Variants in EIF4G1 observed in about 807,000 individuals in gnomAD.
EIF4G1 encodes the protein EIF4-gamma.
A neutral mutation model predicts 187.8 loss-of-function variants in EIF4G1; 4 were observed. The ratio of observed to expected loss-of-function variants is 0.02; its 90% CI spans 0.01 to 0.05. The LOEUF (loss-of-function observed/expected upper bound fraction) is 0.05. Among genes scored for constraint, EIF4G1 ranks in the 10% least tolerant of loss-of-function variants. EIF4G1 has a pLI of 1.00. For missense variants in EIF4G1, 1,647 were observed against 2,081.1 expected, an observed-to-expected ratio of 0.79 and a Z score of 4.06; for synonymous variants, 844 against 781.4, an observed-to-expected ratio of 1.08 and a Z score of -1.34.
intron 28 of EIF4G1, among the ~76,000 whole-genome samples, chr3:184,330,475 C>T (rs1395324045): frequency 6.6e-6 from 1 of 152,166 alleles, no homozygotes; most frequent in Non-Finnish European, 1.5e-5. Flanking sequence ...AATAATCTTG[C>T]TAAGAGCCAG....
At chr3:184,316,309 C>A in intron 4 of EIF4G1, 91 bp downstream of exon 4, 1 of 1,494,186 alleles carries the variant, frequency 6.7e-7, no homozygotes. Flanking sequence ...ACTGGAGGCC[C>A]CATACCTGGC....
At position 184,321,288 on chromosome 3, in the gene EIF4G1, G is replaced by C; in HGVS notation, c.704G>C (p.Arg235Pro). 1 of 1,614,056 alleles carries C rather than the reference G, an allele frequency of 6.2e-7. No homozygotes were observed. Among genetic ancestry groups the C allele is most frequent in the Non-Finnish European group, 8.5e-7 (1 of 1,180,034 alleles). ...QVAVIVRPDD[R>P]SQGAIIADRP... Reference sequence around the variant, plus strand: ...CTTCCTTCCTATGGTGCAGATGACCGGTCACAGGGAGCAATCATTGCTGAC... The same window carrying C: ...CTTCCTTCCTATGGTGCAGATGACCCGTCACAGGGAGCAATCATTGCTGAC... The change falls in exon 10 of 33, where the codon CGG becomes CCG. Residue 235 changes from arginine (R) to proline (P), a missense_variant. Coordinates refer to ENST00000346169, the MANE Select transcript of EIF4G1 (RefSeq NM_198241.3).
intron 28 of EIF4G1, 150 bp from the exon 29 acceptor site, chr3:184,331,116 C>A (rs887668288): frequency 2.4e-6 from 2 of 848,098 alleles, no homozygotes; most frequent in Non-Finnish European, 4.0e-6. Context: ...AATGGAAGGG[C>A]TTTGCCTATT....
chr3:184,326,225 T>TA (rs111590821), intron 21 of EIF4G1, among the ~76,000 whole-genome samples: 3,475 of 152,208 alleles, frequency 0.023, 130 homozygotes, highest in African/African-American at 0.078. Context: ...TTTTACATTT[T>TA]AAAGTTGCGA....
chr3:184,330,764 CAG>C (rs985712255), intron 28 of EIF4G1, among the ~76,000 whole-genome samples: 3 of 151,904 alleles, frequency 2.0e-5, no homozygotes, highest in Non-Finnish European at 2.9e-5. Context: ...TTTTTTGAGA[CAG>C]AGTCTCGCTG....
Position 184,327,893 on chromosome 3 carries a change from G to T in EIF4G1, c.3844G>T (p.Gly1282Cys). Residue 1282 changes from glycine to cysteine, a missense_variant, in exon 26 of 33, where the codon GGT becomes TGT. Gly to Cys is a radical substitution (Grantham distance 159, BLOSUM62 -3). Coordinates refer to ENST00000346169, the MANE Select transcript of EIF4G1 (RefSeq NM_198241.3). Reference sequence around the variant, plus strand: ...CTTGCTCTTCATCTTTGTACGGCATGGTGTCGAGTCTACGCTGGAGCGCAG... The same window carrying T: ...CTTGCTCTTCATCTTTGTACGGCATTGTGTCGAGTCTACGCTGGAGCGCAG... Reference protein sequence around the residue: ...PSLLFIFVRHGVESTLERSAI... With the variant: ...PSLLFIFVRHCVESTLERSAI... 6.2e-7 allele frequency: 1 copy of T among 1,613,798 alleles called. No homozygotes were observed. The highest frequency in any genetic ancestry group is 8.5e-7 in the Non-Finnish European group (1 of 1,180,036).
intron 21 of EIF4G1, among the ~76,000 whole-genome samples, chr3:184,326,287 A>G (rs1402667203): frequency 6.6e-6 from 1 of 152,192 alleles, no homozygotes; most frequent in Non-Finnish European, 1.5e-5. Flanking sequence ...ATAAAATGTA[A>G]ATGTCAGTGT....
In EIF4G1 at chr3:184,334,866, C is replaced by G; in HGVS notation, c.4758C>G (p.Phe1586Leu). 1 of 1,614,220 alleles carries G rather than the reference C, an allele frequency of 6.2e-7. No homozygotes were observed. The highest frequency in any genetic ancestry group is 2.2e-5 in the East Asian group (1 of 44,892). Residue 1586 changes from phenylalanine to leucine, a missense_variant, in exon 33 of 33, where the codon TTC becomes TTG. Phe to Leu is a conservative substitution (Grantham distance 22). Around this residue, in one of 11 missense-constraint regions of EIF4G1, gnomAD observed 543 missense variants for 638.0 expected, o/e 0.85. Coordinates refer to ENST00000346169, the MANE Select transcript of EIF4G1 (RefSeq NM_198241.3). The surrounding 1 kb of genome is among the most constrained non-coding windows in gnomAD (Gnocchi z 5.8). ...GVALKSVTAF[F>L]KWLREAEEES... is the part of the protein sequence containing the mutation. Reference sequence around the variant, plus strand: ...CCCTTAAATCTGTCACAGCCTTCTTCAAGTGGCTCCGTGAAGCAGAGGAGG... The same window carrying G: ...CCCTTAAATCTGTCACAGCCTTCTTGAAGTGGCTCCGTGAAGCAGAGGAGG...
In EIF4G1 at chr3:184,335,006, G is replaced by A; in HGVS notation, c.*98G>A. ...GGGCGGCAGCAGCGGCGGTGGCAGT[G>A]GGTGCCTGTAGTGTGATGTGTCTGA... On this transcript the variant is annotated 3_prime_UTR_variant, in exon 33 of 33. Coordinates refer to ENST00000346169, the MANE Select transcript of EIF4G1 (RefSeq NM_198241.3). 6.7e-7 allele frequency: 1 copy of A among 1,503,082 alleles called. No individual in the cohort carries two copies. Among genetic ancestry groups the A allele is most frequent in the Non-Finnish European group, 9.1e-7 (1 of 1,100,254 alleles). 93.1% of individuals were successfully genotyped at this position (1,503,082 alleles called of 1,614,324 possible).
At chr3:184,319,437 G>A (rs1723412750) in intron 6 of EIF4G1, among the ~76,000 whole-genome samples, 1 of 52,352 alleles carries the variant, frequency 1.9e-5, no homozygotes, top group Admixed American at 1.6e-4. Flanking sequence ...GTGTGTGTGT[G>A]TGTGTGTGTG....
intron 8 of EIF4G1, 49 bp downstream of exon 8, chr3:184,320,771 C>T (rs759660519): frequency 3.7e-5 from 59 of 1,613,012 alleles, no homozygotes; most frequent in Non-Finnish European, 4.9e-5. Context: ...TCTGTTCTGC[C>T]CTGGACTCCC....
rs765169450 is a variant in EIF4G1 at position 184,322,388 on chromosome 3, C to T, written c.1546C>T (p.Arg516Trp). The T allele has an allele frequency of 3.9e-5, 63 of 1,613,818 alleles. No individual in the cohort carries two copies. The highest frequency in any genetic ancestry group is 6.7e-5 in the East Asian group (3 of 44,888). The part of the protein sequence containing the change: ...QVAVSVPKRR[R>W]KIKELNKKEA... ...GGCAGTATCTGTGCCAAAGAGGAGA[C>T]GGAAAATTAAGGAGCTAAATAAGAA... Residue 516 changes from arginine to tryptophan, a missense_variant, in exon 11 of 33, where the codon CGG becomes TGG. Around this residue, in one of 11 missense-constraint regions of EIF4G1, gnomAD observed 522 missense variants for 485.2 expected, o/e 1.08. Coordinates refer to ENST00000346169, the MANE Select transcript of EIF4G1 (RefSeq NM_198241.3).
chr3:184,324,973 G>A lies in EIF4G1; in HGVS notation c.2715G>A (p.Leu905=), dbSNP rs376550543. The part of the protein sequence containing the change: ...SLGNIKFIGE[L]FKLKMLTEAI... ...GGAATATCAAGTTTATTGGAGAGTT[G>A]TTCAAACTGAAGATGTTAACAGAGG... Residue 905 remains leucine (L), a synonymous_variant, in exon 18 of 33, where the codon TTG becomes TTA. Coordinates refer to ENST00000346169, the MANE Select transcript of EIF4G1 (RefSeq NM_198241.3). 6.8e-6 allele frequency: 11 copies of A among 1,614,254 alleles called. No individual in the cohort carries two copies. Among genetic ancestry groups the A allele is most frequent in the Non-Finnish European group, 8.5e-6 (10 of 1,180,054 alleles).
In EIF4G1 at chr3:184,323,715, C is replaced by T; in HGVS notation, c.2275-65C>T. On this transcript the variant is annotated intron_variant, in intron 15 of 32. Transcript: ENST00000346169. This position sits in a 1 kb window ranked among gnomAD's most constrained non-coding sequence, Gnocchi z 6.9. ...GTCATGCCTAAGTCCCCACCACCCT[C>T]TCCTGTCCCTCCCAACAGCCTGTTC... 4 of 1,611,160 alleles carry T rather than the reference C, an allele frequency of 2.5e-6. No individual in the cohort carries two copies. The East Asian group carries it at 6.7e-5, about 27-fold the overall frequency.
In EIF4G1 at chr3:184,323,687, T is replaced by G. The variant is rs983545533; in HGVS notation, c.2275-93T>G. 1 of 1,609,902 alleles carries G rather than the reference T, an allele frequency of 6.2e-7. No individual in the cohort carries two copies. Among genetic ancestry groups the G allele is most frequent in the Admixed American group, 1.7e-5 (1 of 59,670 alleles). On this transcript the variant is annotated intron_variant, in intron 15 of 32. Coordinates refer to ENST00000346169, the MANE Select transcript of EIF4G1 (RefSeq NM_198241.3). The surrounding 1 kb of genome is among the most constrained non-coding windows in gnomAD (Gnocchi z 6.9). Reference sequence around the variant, plus strand: ...CTTCTTTTTGTCCTTATCACTAGCATCTGTCATGCCTAAGTCCCCACCACC... The same window carrying G: ...CTTCTTTTTGTCCTTATCACTAGCAGCTGTCATGCCTAAGTCCCCACCACC...
Position 184,324,954 on chromosome 3 carries a change from T to C in EIF4G1, c.2696T>C (p.Ile899Thr), listed in dbSNP as rs1724602553. Residue 899 changes from isoleucine to threonine, a missense_variant, in exon 18 of 33, where the codon ATC (isoleucine) becomes ACC (threonine). Coordinates refer to ENST00000346169, the MANE Select transcript of EIF4G1 (RefSeq NM_198241.3). ...GCCCGGCGGCGCTCTTTAGGGAATATCAAGTTTATTGGAGAGTTGTTCAAA... is the reference window on the plus strand; with the variant it reads ...GCCCGGCGGCGCTCTTTAGGGAATACCAAGTTTATTGGAGAGTTGTTCAAA... ...DIARRRSLGN[I>T]KFIGELFKLK... 1.9e-6 allele frequency: 3 copies of C among 1,614,222 alleles called. No individual in the cohort carries two copies. The highest frequency in any genetic ancestry group is 2.5e-6 in the Non-Finnish European group (3 of 1,180,040).
intron 9 of EIF4G1, 115 bp downstream of exon 9, chr3:184,321,108 G>A: frequency 6.6e-7 from 1 of 1,507,602 alleles, no homozygotes; most frequent in Non-Finnish European, 9.0e-7. Flanking sequence ...TAGATTTCAG[G>A]TTGTGGGATT....
chr3:184,320,543 G>T (rs1156662971), intron 7 of EIF4G1, 87 bp from the exon 8 acceptor site: 3 of 1,608,620 alleles, frequency 1.9e-6, no homozygotes, highest in Non-Finnish European at 2.5e-6. Flanking sequence ...GGGGGGTGGG[G>T]AGTTGGCCCA....
Position 184,325,140 on chromosome 3 carries a change from G to A in EIF4G1, c.2856+26G>A, listed in dbSNP as rs764901272. On this transcript the variant is annotated intron_variant, in intron 18 of 32. Coordinates refer to ENST00000346169, the MANE Select transcript of EIF4G1 (RefSeq NM_198241.3). The surrounding 1 kb of genome is among the most constrained non-coding windows in gnomAD (Gnocchi z 5.2). ...GTAGAGGTCCTTGCATCTGGAGGGG[G>A]ATGGGCTGAAGCATATGTGGGGCTC... 1 of 1,612,004 alleles carries A rather than the reference G, an allele frequency of 6.2e-7. No homozygotes were observed. The highest frequency in any genetic ancestry group is 8.5e-7 in the Non-Finnish European group (1 of 1,178,158).
Sources: allele counts gnomAD v4.1 joint callset (sites outside exome capture counted in the v4.1 genomes callset), GRCh38; gene constraint gnomAD v4.1.1; regional missense constraint gnomAD v4.1.1; non-coding constraint Gnocchi (gnomAD v3.1); transcripts MANE v1.5; gene names NCBI Gene and HGNC (gene_info 2026-07-23, HGNC 2026-07-21).